Variants in CFAP54 observed in about 807,000 individuals in gnomAD.
The protein encoded by CFAP54 is cilia and flagella associated protein 54, also known as cilia- and flagella-associated protein 54.
CFAP54 carries 290 observed loss-of-function variants against 370.4 expected under a neutral mutation model. The ratio of observed to expected loss-of-function variants is 0.78; its 90% CI spans 0.71 to 0.86. CFAP54 has a LOEUF of 0.86. CFAP54 is among the 40% of genes least tolerant of loss of function. The probability of loss-of-function intolerance (pLI) is 0.00; values close to 1 mark genes in which losing one functional copy is unlikely to be tolerated. For missense variants in CFAP54, 3,399 were observed against 3,528.7 expected (o/e 0.96, Z 0.93); for synonymous variants, 1,206 against 1,236.5 (o/e 0.98, Z 0.52).
chr12:96,757,497 T>C lies in CFAP54; in HGVS notation c.7949T>C (p.Leu2650Ser). 6.4e-7 allele frequency: 1 copy of C among 1,553,288 alleles called. No homozygotes were observed. The highest frequency in any genetic ancestry group is 8.8e-7 in the Non-Finnish European group (1 of 1,131,164). ...LSLKNDQNSG[L>S]IRDSYLEMAL... ...AGTACAGTGCTATATCATTTTAGAT[T>C]GATAAGAGACTCCTACCTAGAAATG... The change falls in exon 58 of 68, where the codon TTG becomes TCG. Residue 2650 changes from leucine to serine, a missense_variant and splice_region_variant. Physicochemically the swap from Leu to Ser is moderately radical, Grantham distance 145. This residue lies in a region of CFAP54 where 2,796 missense variants were observed against 2,869.7 expected (regional missense o/e 0.97). Transcript: ENST00000524981.
At chr12:96,847,103 A>T (rs575811872) in intron 66 of CFAP54, among the ~76,000 whole-genome samples, 1 of 152,320 alleles carries the variant, frequency 6.6e-6, no homozygotes, top group Admixed American at 6.5e-5. Flanking sequence ...GTAATATGAT[A>T]GAACAGCTGA....
chr12:96,782,158 A>G (rs950985239), intron 60 of CFAP54, among the ~76,000 whole-genome samples: 16 of 152,074 alleles, frequency 1.1e-4, no homozygotes, highest in African/African-American at 3.9e-4. Context: ...TGATTCTAAA[A>G]CTGGGAATTA....
At chr12:96,782,634 C>A (rs952090348) in intron 60 of CFAP54, among the ~76,000 whole-genome samples, 4 of 152,038 alleles carry the variant, frequency 2.6e-5, no homozygotes, top group Non-Finnish European at 5.9e-5. Flanking sequence ...GTTAAGAAGA[C>A]TCAGTATTGA....
chr12:96,669,844 G>A (rs1592699632), intron 39 of CFAP54, among the ~76,000 whole-genome samples: 2 of 152,184 alleles, frequency 1.3e-5, no homozygotes, highest in East Asian at 1.9e-4. Context: ...TGTATTGGTG[G>A]TGGTTGAAGT....
chr12:96,739,157 C>T (rs1020433676), intron 50 of CFAP54, among the ~76,000 whole-genome samples: 28 of 152,022 alleles, frequency 1.8e-4, no homozygotes, highest in Non-Finnish European at 2.8e-4. Context: ...GGATATATTT[C>T]GGCCTTCATC....
intron 63 of CFAP54, among the ~76,000 whole-genome samples, chr12:96,806,159 AATAT>A (rs548500750): frequency 0.021 from 565 of 27,430 alleles, 9 homozygotes; most frequent in Non-Finnish European, 0.027. Flanking sequence ...TCACTAGCCA[AATAT>A]ATATATATAT....
chr12:96,612,012 G>T (rs1956363908), intron 26 of CFAP54, among the ~76,000 whole-genome samples: 2 of 152,144 alleles, frequency 1.3e-5, no homozygotes, highest in South Asian at 4.1e-4. Flanking sequence ...TAGCAAGGCA[G>T]GCCAGCATTC....
chr12:96,722,035 C>T (rs764946807), intron 50 of CFAP54, among the ~76,000 whole-genome samples: 1 of 152,160 alleles, frequency 6.6e-6, no homozygotes, highest in Non-Finnish European at 1.5e-5. Context: ...CCTGAGCAAG[C>T]AGATAAGAAA....
intron 5 of CFAP54, among the ~76,000 whole-genome samples, chr12:96,517,004 T>G (rs554988321): frequency 1.5e-4 from 23 of 151,964 alleles, no homozygotes; most frequent in African/African-American, 5.3e-4. Flanking sequence ...TTTTAAAGTT[T>G]TTTTTTTTTT....
intron 67 of CFAP54, among the ~76,000 whole-genome samples, chr12:96,872,308 C>A (rs1388805178): frequency 6.6e-6 from 1 of 152,076 alleles, no homozygotes; most frequent in Non-Finnish European, 1.5e-5. Flanking sequence ...AAAAAAAAGT[C>A]AACCTATTAA....
intron 39 of CFAP54, among the ~76,000 whole-genome samples, chr12:96,674,669 C>G (rs569033750): frequency 1.1e-4 from 16 of 152,062 alleles, no homozygotes; most frequent in African/African-American, 3.4e-4. Flanking sequence ...TATTTATCAG[C>G]CAGATAAAAA....
chr12:96,548,342 T>C (rs1955661663), intron 15 of CFAP54, among the ~76,000 whole-genome samples: 1 of 152,176 alleles, frequency 6.6e-6, no homozygotes, highest in African/African-American at 2.4e-5. Flanking sequence ...ATAAAAGATA[T>C]TTATATAATG....
intron 14 of CFAP54, among the ~76,000 whole-genome samples, chr12:96,542,111 G>A (rs560300380): frequency 1.1e-4 from 16 of 152,278 alleles, no homozygotes; most frequent in African/African-American, 3.9e-4. Context: ...TATAGAGCAT[G>A]TATGACATCT....
intron 65 of CFAP54, among the ~76,000 whole-genome samples, chr12:96,822,653 G>A (rs1016931161): frequency 5.3e-5 from 8 of 152,166 alleles, no homozygotes; most frequent in Admixed American, 1.3e-4. Flanking sequence ...TAGCTCTGTC[G>A]TAAGAAAGTG....
At chr12:96,703,594 T>C (rs1233940310) in intron 46 of CFAP54, among the ~76,000 whole-genome samples, 1 of 151,880 alleles carries the variant, frequency 6.6e-6, no homozygotes, top group African/African-American at 2.4e-5. Flanking sequence ...CAGTCTCCTG[T>C]GGCAAATAAA....
Position 96,604,045 on chromosome 12 carries a change from T to C in CFAP54, c.3639+5278T>C, listed in dbSNP as rs184285413. Among the ~76,000 whole-genome samples, 13 of 152,362 alleles carry C rather than the reference T, an allele frequency of 8.5e-5. No individual in the cohort carries two copies. In the East Asian group the frequency reaches 1.7e-3, roughly 20 times the overall value. ...TTTGGAGAAGAGGCGTTCTGTTTTT[T>C]GGAATTTTTAGCCCTTCTGCTCTGG... On this transcript the variant is annotated intron_variant, in intron 26 of 67. Transcript: ENST00000524981.
chr12:96,788,551 C>A (rs940598990), intron 62 of CFAP54, among the ~76,000 whole-genome samples: 2 of 152,108 alleles, frequency 1.3e-5, no homozygotes, highest in Non-Finnish European at 2.9e-5. Flanking sequence ...CCAACTCTCC[C>A]AGAGAAGTTC....
chr12:96,577,715 G>A (rs1171770773), intron 20 of CFAP54, among the ~76,000 whole-genome samples: 1 of 151,764 alleles, frequency 6.6e-6, no homozygotes, highest in Non-Finnish European at 1.5e-5. Context: ...TGGCATATTA[G>A]CTGATATCTT....
intron 40 of CFAP54, among the ~76,000 whole-genome samples, chr12:96,681,625 G>A (rs1957272877): frequency 6.6e-6 from 1 of 151,834 alleles, no homozygotes; most frequent in Admixed American, 6.6e-5. Context: ...GAGTGCAGTG[G>A]CGTGATCTTG....
Sources: gnomAD v4.1 joint callset for allele counts (sites outside exome capture counted in the v4.1 genomes callset) on GRCh38, gnomAD v4.1.1 for gene constraint, gnomAD v4.1.1 regional missense constraint, MANE v1.5 for transcripts, NCBI Gene and HGNC (gene_info 2026-07-23, HGNC 2026-07-21) for gene names.